Variants in EXPH5 observed in about 807,000 individuals in gnomAD.
The protein encoded by EXPH5 is exophilin-5.
A neutral mutation model predicts 41.1 loss-of-function variants in EXPH5; 42 were observed. The observed-to-expected ratio is 1.02, with a 90% CI of 0.80 to 1.32. The LOEUF is 1.32. Among genes scored for constraint, EXPH5 ranks in the 40% most tolerant of loss-of-function variants. The probability of loss-of-function intolerance (pLI) is 0.00; values close to 1 mark genes in which losing one functional copy is unlikely to be tolerated. For missense variants in EXPH5, 2,298 were observed against 2,314.5 expected, an observed-to-expected ratio of 0.99 and a Z score of 0.15; for synonymous variants, 798 against 833.5, an observed-to-expected ratio of 0.96 and a Z score of 0.73.
rs71303231 is a variant in EXPH5, at chr11:108,574,077, G to GTTT, written c.119+19338_119+19340dup. Among the ~76,000 whole-genome samples, 275 of 142,336 alleles carry GTTT rather than the reference G, an allele frequency of 1.9e-3. 1 individual carries two copies. Among genetic ancestry groups the GTTT allele is most frequent in the African/African-American group, 5.9e-3 (235 of 39,508 alleles). 93.4% of individuals were successfully genotyped at this position (142,336 alleles called of 152,430 possible). A position where few individuals can be genotyped will look rare whatever the true frequency, so the allele number is the denominator to read the frequency against. ...CCACCACGCCCGGCTAATTTTGTGTGTTTTTTTTTTTTTAGTAGAGACGGG... is the reference window on the plus strand; with the variant it reads ...CCACCACGCCCGGCTAATTTTGTGTGTTTTTTTTTTTTTTTTAGTAGAGACGGG... On this transcript the variant is annotated intron_variant, in intron 1 of 5. Transcript: ENST00000265843.
At chr11:108,600,881 A>G in the EXPH5 span, among the ~76,000 whole-genome samples, 1 of 152,364 alleles carries the variant, frequency 6.6e-6, no homozygotes, top group East Asian at 1.9e-4. Context: ...TTCAATGACA[A>G]GTACAATGTT....
chr11:108,571,456 T>G (rs2094059937), intron 1 of EXPH5, among the ~76,000 whole-genome samples: 1 of 152,170 alleles, frequency 6.6e-6, no homozygotes, highest in African/African-American at 2.4e-5. Flanking sequence ...GCACTCCCCA[T>G]GGAGAAGGCC....
chr11:108,572,406 GT>G (rs68049107), intron 1 of EXPH5, among the ~76,000 whole-genome samples: 63,627 of 151,910 alleles, frequency 0.42, 14,331 homozygotes, highest in Non-Finnish European at 0.49. Context: ...ATCACTTTCT[GT>G]TTTCCTAGTT....
upstream of EXPH5, among the ~76,000 whole-genome samples, chr11:108,596,562 G>C (rs575445578): frequency 9.3e-4 from 142 of 152,252 alleles, 2 homozygotes; most frequent in Non-Finnish European, 2.1e-4. Context: ...TCATCCACAT[G>C]GCAATTTAAA....
chr11:108,601,703 C>A, the EXPH5 span, among the ~76,000 whole-genome samples: 5 of 151,754 alleles, frequency 3.3e-5, no homozygotes, highest in Non-Finnish European at 7.4e-5. Context: ...CTCTCCCTCC[C>A]TCCCTCTCTT....
At chr11:108,558,406 C>T (rs992862913) in intron 1 of EXPH5, among the ~76,000 whole-genome samples, 3 of 152,202 alleles carry the variant, frequency 2.0e-5, no homozygotes, top group African/African-American at 4.8e-5. Flanking sequence ...TTTTGTGATT[C>T]TAAGTACACT....
intron 1 of EXPH5, among the ~76,000 whole-genome samples, chr11:108,572,128 G>A (rs1252243731): frequency 6.6e-6 from 1 of 152,166 alleles, no homozygotes; most frequent in African/African-American, 2.4e-5. Flanking sequence ...AAAGAAGCCA[G>A]TTCACAAGGC....
intron 1 of EXPH5, among the ~76,000 whole-genome samples, chr11:108,565,221 C>G (rs765523123): frequency 2.6e-5 from 4 of 152,080 alleles, no homozygotes; most frequent in Non-Finnish European, 4.4e-5. Flanking sequence ...TTTTTGATAA[C>G]TTATCTGCTC....
rs746446406 is a variant in EXPH5, at chr11:108,512,962, A to C, written c.2545T>G (p.Trp849Gly). The C allele has an allele frequency of 6.8e-6, 11 of 1,612,782 alleles. No individual in the cohort carries two copies. In the South Asian group the frequency reaches 1.2e-4, roughly 18 times the overall value. ...TGAGTATCAGTCAGTGCAGAGCTCC[A>C]GTGGTTATTTGTAATAATTCTTGAA... is the stretch of plus-strand genomic sequence containing the variant. Reference protein sequence around the residue: ...DISRIITNNHWSSALTDTQNA... With the variant: ...DISRIITNNHGSSALTDTQNA... The change falls in exon 6 of 6, where the codon TGG becomes GGG. Residue 849 changes from tryptophan (W) to glycine (G), a missense_variant. Trp to Gly is a radical substitution (Grantham distance 184). Coordinates refer to ENST00000265843, the MANE Select transcript of EXPH5 (RefSeq NM_015065.3).
At chr11:108,601,372 G>T in the EXPH5 span, among the ~76,000 whole-genome samples, 1 of 152,120 alleles carries the variant, frequency 6.6e-6, no homozygotes, top group Non-Finnish European at 1.5e-5. Flanking sequence ...GAGAGAAAAT[G>T]CACTTAACAT....
intron 1 of EXPH5, among the ~76,000 whole-genome samples, chr11:108,582,744 G>A (rs564539948): frequency 2.0e-5 from 3 of 152,284 alleles, no homozygotes; most frequent in African/African-American, 7.2e-5. Context: ...GCTCCCTCTG[G>A]GGGCACTAAG....
intron 4 of EXPH5, among the ~76,000 whole-genome samples, chr11:108,522,894 T>G (rs907429227): frequency 6.6e-6 from 1 of 152,100 alleles, no homozygotes; most frequent in South Asian, 2.1e-4. Flanking sequence ...AATTTTTTTT[T>G]TTTTAAGAGA....
At chr11:108,597,851 A>T (rs897737987), upstream of EXPH5, among the ~76,000 whole-genome samples, 1 of 152,192 alleles carries the variant, frequency 6.6e-6, no homozygotes, top group Non-Finnish European at 1.5e-5. Flanking sequence ...CACAAAAACT[A>T]TTAGAACTAA....
rs575115369 is a variant in EXPH5, at chr11:108,554,087, A to C, written c.120-12275T>G. 3.1e-3 allele frequency among the ~76,000 whole-genome samples: 445 copies of C among 145,332 alleles called. 2 individuals are homozygous for C. Among genetic ancestry groups the C allele is most frequent in the African/African-American group, 0.011 (431 of 39,530 alleles). ...CCTTTTTTTTTTTTTTTTTGGTGAC[A>C]GGGTCTTGCTCTGTTGCACAGGCTG... is the stretch of plus-strand genomic sequence containing the variant. On this transcript the variant is annotated intron_variant, in intron 1 of 5. Transcript: ENST00000265843.
At chr11:108,598,222 T>G (rs1032538555), upstream of EXPH5, among the ~76,000 whole-genome samples, 6 of 152,180 alleles carry the variant, frequency 3.9e-5, no homozygotes, top group Admixed American at 2.6e-4. Context: ...TGTCCTCAAA[T>G]TGGTTGAATA....
intron 1 of EXPH5, among the ~76,000 whole-genome samples, chr11:108,587,815 C>T (rs770728360): frequency 2.6e-5 from 4 of 152,174 alleles, no homozygotes; most frequent in Non-Finnish European, 5.9e-5. Flanking sequence ...TACAATGGCG[C>T]GGTCTCGGCT....
At position 108,513,542 on chromosome 11, in the gene EXPH5, T is replaced by A. The variant is rs1463724587; in HGVS notation, c.1965A>T (p.Lys655Asn). 5 of 1,614,158 alleles carry A rather than the reference T, an allele frequency of 3.1e-6. No individual in the cohort carries two copies. Among genetic ancestry groups the A allele is most frequent in the Non-Finnish European group, 3.4e-6 (4 of 1,180,026 alleles). Residue 655 changes from lysine to asparagine, a missense_variant, in exon 6 of 6, where the codon AAA (lysine) becomes AAT (asparagine). Lys to Asn is a moderately conservative substitution (Grantham distance 94). Coordinates refer to ENST00000265843, the MANE Select transcript of EXPH5 (RefSeq NM_015065.3). ...NLQNPTVTLQ[K>N]IFPNKPASHP... ...GAGAGGCAGGCTTATTTGGAAAAAT[T>A]TTCTGCAAAGTGACTGTGGGATTCT...
At position 108,514,725 on chromosome 11, in the gene EXPH5, T is replaced by C; in HGVS notation, c.782A>G (p.Lys261Arg). 6.2e-7 allele frequency: 1 copy of C among 1,610,132 alleles called. No homozygotes were observed. The highest frequency in any genetic ancestry group is 8.5e-7 in the Non-Finnish European group (1 of 1,178,816). The change falls in exon 6 of 6, where the codon AAA becomes AGA. Residue 261 changes from lysine to arginine, a missense_variant. Coordinates refer to ENST00000265843, the MANE Select transcript of EXPH5 (RefSeq NM_015065.3). ...RHGNITERHK[K>R]HYNETSNMSI... is the part of the protein sequence containing the mutation. Reference sequence around the variant, plus strand: ...CATATTGGAAGTTTCATTATAGTGTTTTTTGTGCCTTTCTGTGATATTACC... The same window carrying C: ...CATATTGGAAGTTTCATTATAGTGTCTTTTGTGCCTTTCTGTGATATTACC...
the EXPH5 span, among the ~76,000 whole-genome samples, chr11:108,600,926 G>C: frequency 0.074 from 11,236 of 152,238 alleles, 617 homozygotes; most frequent in East Asian, 0.28. Context: ...TGACACATAA[G>C]TTTCTAAATA....
Sources: allele counts gnomAD v4.1 joint callset (sites outside exome capture counted in the v4.1 genomes callset), GRCh38; gene constraint gnomAD v4.1.1; transcripts MANE v1.5; gene names NCBI Gene and HGNC (gene_info 2026-07-23, HGNC 2026-07-21).